The following SLC24A3 variants were observed in gnomAD, a reference collection of about 807,000 sequenced individuals.
SLC24A3 encodes the protein solute carrier family 24 member 3.
SLC24A3 carries 28 observed loss-of-function variants against 75.8 expected under a neutral mutation model. The ratio of observed to expected loss-of-function variants is 0.37; its 90% CI spans 0.27 to 0.51. The LOEUF (loss-of-function observed/expected upper bound fraction) is 0.51. Ranked by LOEUF, SLC24A3 falls within the 20% of genes least tolerant of loss-of-function variation. SLC24A3 has a pLI of 0.94. For synonymous variants in SLC24A3, 372 were observed against 334.1 expected, an observed-to-expected ratio of 1.11 and a Z score of -1.24; for missense variants, 663 against 847.8, an observed-to-expected ratio of 0.78 and a Z score of 2.71.
At chr20:19,526,234 G>T (rs548962050) in intron 3 of SLC24A3, among the ~76,000 whole-genome samples, 1 of 152,258 alleles carries the variant, frequency 6.6e-6, no homozygotes, top group South Asian at 2.1e-4. Context: ...TCTGATTTTG[G>T]ACTTGACAAG....
At chr20:19,645,461 C>T (rs375363557) in intron 6 of SLC24A3, among the ~76,000 whole-genome samples, 3 of 152,234 alleles carry the variant, frequency 2.0e-5, no homozygotes, top group African/African-American at 7.2e-5. Context: ...GGTCTAAGGA[C>T]AATCCTAGCA....
chr20:19,632,838 C>CT (rs1323109434), intron 6 of SLC24A3, among the ~76,000 whole-genome samples: 1 of 152,212 alleles, frequency 6.6e-6, no homozygotes, highest in Non-Finnish European at 1.5e-5. Context: ...AATGCCAGGC[C>CT]TGGTCCTCCA....
intron 1 of SLC24A3, among the ~76,000 whole-genome samples, chr20:19,223,794 G>A (rs778369944): frequency 6.6e-6 from 1 of 152,146 alleles, no homozygotes; most frequent in Non-Finnish European, 1.5e-5. Flanking sequence ...GTGACATAGC[G>A]TTAGGCTACT....
At chr20:19,704,718 T>C (rs1000624439) in intron 15 of SLC24A3, among the ~76,000 whole-genome samples, 1 of 152,022 alleles carries the variant, frequency 6.6e-6, no homozygotes, top group African/African-American at 2.4e-5. Flanking sequence ...GAGGGGTGTG[T>C]GGCGAGCAGG....
chr20:19,291,049 G>T (rs566733559), intron 2 of SLC24A3, among the ~76,000 whole-genome samples: 1 of 152,150 alleles, frequency 6.6e-6, no homozygotes, highest in Non-Finnish European at 1.5e-5. Flanking sequence ...CCTATTTGTG[G>T]GTCTAATCTT....
intron 2 of SLC24A3, among the ~76,000 whole-genome samples, chr20:19,464,654 A>G (rs897365459): frequency 5.3e-5 from 8 of 152,252 alleles, no homozygotes; most frequent in African/African-American, 1.9e-4. Flanking sequence ...ATTAGCAACA[A>G]TCATAGCACA....
At chr20:19,348,418 A>C (rs531917626) in intron 2 of SLC24A3, among the ~76,000 whole-genome samples, 1 of 152,294 alleles carries the variant, frequency 6.6e-6, no homozygotes, top group South Asian at 2.1e-4. Flanking sequence ...CTGTTGCTGA[A>C]TCAGACAGTC....
intron 1 of SLC24A3, among the ~76,000 whole-genome samples, chr20:19,260,327 T>G (rs1043035543): frequency 2.0e-5 from 3 of 152,184 alleles, no homozygotes; most frequent in Non-Finnish European, 4.4e-5. Flanking sequence ...AACACCCAGC[T>G]CTCAAAGCTG....
chr20:19,226,266 AC>A (rs776499992), intron 1 of SLC24A3, among the ~76,000 whole-genome samples: 12 of 152,114 alleles, frequency 7.9e-5, no homozygotes, highest in Non-Finnish European at 1.3e-4. Flanking sequence ...CCTGTATAAG[AC>A]CCACTTGATC....
intron 2 of SLC24A3, among the ~76,000 whole-genome samples, chr20:19,325,795 T>TAGAGAGAGAG (rs745745496): frequency 8.9e-5 from 6 of 67,794 alleles, no homozygotes; most frequent in African/African-American, 2.2e-4. Context: ...TATATATATA[T>TAGAGAGAGAG]AGAGAGAGAG....
chr20:19,663,485 A>ACCTCCTCCTCCTCCACC (rs2032362480), intron 7 of SLC24A3, among the ~76,000 whole-genome samples: 5 of 23,792 alleles, frequency 2.1e-4, no homozygotes, highest in African/African-American at 4.5e-4. Context: ...CCGCCTTCTC[A>ACCTCCTCCTCCTCCACC]TCCTCCTCCT....
chr20:19,579,704 C>A (rs2031191774), intron 3 of SLC24A3, among the ~76,000 whole-genome samples: 1 of 152,148 alleles, frequency 6.6e-6, no homozygotes, highest in Non-Finnish European at 1.5e-5. Context: ...AGTGGGATAT[C>A]TTGGGGCAGA....
intron 2 of SLC24A3, among the ~76,000 whole-genome samples, chr20:19,463,820 G>A (rs1439912449): frequency 6.6e-6 from 1 of 152,222 alleles, no homozygotes; most frequent in African/African-American, 2.4e-5. Flanking sequence ...CTAGGCTGAG[G>A]CCTCTTGGGA....
chr20:19,219,081 A>G (rs1981639708), intron 1 of SLC24A3, among the ~76,000 whole-genome samples: 1 of 152,066 alleles, frequency 6.6e-6, no homozygotes, highest in Admixed American at 6.6e-5. Flanking sequence ...ATTATCCTGT[A>G]GCATTTGAGA....
intron 10 of SLC24A3, among the ~76,000 whole-genome samples, chr20:19,682,214 T>C (rs1456989692): frequency 6.6e-6 from 1 of 152,050 alleles, no homozygotes; most frequent in Non-Finnish European, 1.5e-5. Context: ...GAGATTGCTC[T>C]ACTGCACTCC....
intron 2 of SLC24A3, among the ~76,000 whole-genome samples, chr20:19,303,003 G>GTT (rs11477457): frequency 5.0e-4 from 74 of 147,608 alleles, no homozygotes; most frequent in South Asian, 1.1e-3. Flanking sequence ...AGTGGCCTTT[G>GTT]TTTTTTTTTT....
chr20:19,476,138 C>T (rs1987958915), intron 2 of SLC24A3, among the ~76,000 whole-genome samples: 1 of 152,220 alleles, frequency 6.6e-6, no homozygotes. Context: ...AGCTAGAGTC[C>T]TCTGCCTGCC....
chr20:19,219,968 TA>T (rs1439257746), intron 1 of SLC24A3, among the ~76,000 whole-genome samples: 1 of 152,206 alleles, frequency 6.6e-6, no homozygotes, highest in Non-Finnish European at 1.5e-5. Flanking sequence ...CTTGGCCATT[TA>T]ATGCAATTGA....
intron 3 of SLC24A3, among the ~76,000 whole-genome samples, chr20:19,573,894 T>C (rs1387874721): frequency 2.0e-5 from 3 of 152,250 alleles, no homozygotes; most frequent in Non-Finnish European, 4.4e-5. Context: ...GACTAATGAA[T>C]AGGCCACCAA....
Sources: gnomAD v4.1 joint callset for allele counts (sites outside exome capture counted in the v4.1 genomes callset) on GRCh38, gnomAD v4.1.1 for gene constraint, MANE v1.5 for transcripts, NCBI Gene and HGNC (gene_info 2026-07-23, HGNC 2026-07-21) for gene names.